The following RBFOX3 variants were observed in gnomAD, a reference collection of about 807,000 sequenced individuals.
The protein encoded by RBFOX3 is RNA binding fox-1 homolog 3.
Under a neutral mutation model 48.7 loss-of-function variants are expected in RBFOX3, and 17 were observed. The ratio of observed to expected loss-of-function variants is 0.35; its 90% CI spans 0.24 to 0.52. The LOEUF (loss-of-function observed/expected upper bound fraction) is 0.52, where lower values mean the gene tolerates loss of function less well. Ranked by LOEUF, RBFOX3 falls within the 20% of genes least tolerant of loss-of-function variation. The pLI is 0.94. For synonymous variants in RBFOX3, 212 were observed against 209.5 expected (o/e 1.01, Z -0.10); for missense variants, 382 against 497.5 (o/e 0.77, Z 2.21).
At chr17:79,489,883 C>T (rs1555771651) in intron 1 of RBFOX3, among the ~76,000 whole-genome samples, 1 of 152,146 alleles carries the variant, frequency 6.6e-6, no homozygotes, top group Admixed American at 6.5e-5. Context: ...GCCTCTGTAC[C>T]CCGCAAAACA....
chr17:79,183,650 G>A (rs1207214255), intron 4 of RBFOX3, among the ~76,000 whole-genome samples: 1 of 152,206 alleles, frequency 6.6e-6, no homozygotes, highest in Non-Finnish European at 1.5e-5. Context: ...GAGAGCAGGA[G>A]TCAGTCACTT....
intron 1 of RBFOX3, among the ~76,000 whole-genome samples, chr17:79,587,235 T>C (rs904057358): frequency 1.9e-4 from 29 of 152,174 alleles, no homozygotes; most frequent in Non-Finnish European, 4.1e-4. Context: ...GCATGGCTGG[T>C]CACGAGAGCC....
intron 3 of RBFOX3, among the ~76,000 whole-genome samples, chr17:79,240,742 C>T (rs1343768129): frequency 6.6e-6 from 1 of 152,210 alleles, no homozygotes; most frequent in Non-Finnish European, 1.5e-5. Context: ...CAGCTCACTG[C>T]AAGCTCCGCC....
At chr17:79,221,632 T>A (rs2059742415) in intron 4 of RBFOX3, among the ~76,000 whole-genome samples, 1 of 152,186 alleles carries the variant, frequency 6.6e-6, no homozygotes, top group African/African-American at 2.4e-5. Flanking sequence ...GAATTCATGA[T>A]CGTCTTCAGT....
chr17:79,269,918 C>A (rs1029218661), intron 3 of RBFOX3, among the ~76,000 whole-genome samples: 5 of 152,242 alleles, frequency 3.3e-5, no homozygotes, highest in Admixed American at 2.6e-4. Flanking sequence ...CCTGCCCACA[C>A]TGCCCCTCCC....
intron 1 of RBFOX3, among the ~76,000 whole-genome samples, chr17:79,561,400 C>T (rs1873547476): frequency 6.6e-6 from 1 of 152,132 alleles, no homozygotes; most frequent in Non-Finnish European, 1.5e-5. Flanking sequence ...CCTCCCTCTG[C>T]TCCAGTCACC....
At chr17:79,639,200 A>G in the RBFOX3 span, among the ~76,000 whole-genome samples, 1 of 151,810 alleles carries the variant, frequency 6.6e-6, no homozygotes, top group East Asian at 1.9e-4. Context: ...TTTGAGACAG[A>G]GTCTCACTCT....
At position 79,256,265 on chromosome 17, in the gene RBFOX3, C is replaced by T. The variant is rs542925070; in HGVS notation, c.-73-20460G>A. ...CTCTGGGGCTTCTATTCCCATAAAC[C>T]GACCCTTCCTTTCTCATGTGAATCC... On this transcript the variant is annotated intron_variant, in intron 3 of 14. Transcript: ENST00000693108. 7.2e-5 allele frequency among the ~76,000 whole-genome samples: 11 copies of T among 152,160 alleles called. No homozygotes were observed. In the South Asian group the frequency reaches 1.5e-3, roughly 20 times the overall value.
intron 1 of RBFOX3, among the ~76,000 whole-genome samples, chr17:79,491,581 C>T (rs376212398): frequency 0.015 from 2,228 of 152,066 alleles, 55 homozygotes; most frequent in African/African-American, 0.052. Context: ...ATGAGGAAGA[C>T]GCAAGCCACC....
At chr17:79,605,194 T>C (rs1043102473) in intron 1 of RBFOX3, among the ~76,000 whole-genome samples, 11 of 152,146 alleles carry the variant, frequency 7.2e-5, no homozygotes, top group Non-Finnish European at 1.3e-4. Flanking sequence ...CTTTGTTTGT[T>C]TGTTTTGATG....
In RBFOX3 at chr17:79,279,484, G is replaced by A. The variant is rs145970554; in HGVS notation, c.-74+28240C>T. ...GGCACAGCATGGCCCGGCCCGGCAC[G>A]GTACGGCACTGTCACGGCGGGTTGT... On this transcript the variant is annotated intron_variant, in intron 3 of 14. Coordinates refer to ENST00000693108, the MANE Select transcript of RBFOX3 (RefSeq NM_001350451.2). Among the ~76,000 whole-genome samples the A allele has an allele frequency of 6.6e-4, 100 of 152,286 alleles. 1 individual carries two copies. The highest frequency in any genetic ancestry group is 2.4e-3 in the African/African-American group (98 of 41,556).
At chr17:79,381,251 C>A in intron 2 of RBFOX3, among the ~76,000 whole-genome samples, 1 of 91,544 alleles carries the variant, frequency 1.1e-5, no homozygotes. Context: ...CAGAGCAAGA[C>A]TCTGTCTCAA....
At chr17:79,595,745 A>G (rs2093553470) in intron 1 of RBFOX3, among the ~76,000 whole-genome samples, 1 of 152,226 alleles carries the variant, frequency 6.6e-6, no homozygotes, top group African/African-American at 2.4e-5. Flanking sequence ...GAGGAAGAGC[A>G]AGGTGGCAGC....
the RBFOX3 span, among the ~76,000 whole-genome samples, chr17:79,656,749 A>AAGGAAGGAAGGAAGGAAG: frequency 3.9e-5 from 2 of 51,928 alleles, no homozygotes; most frequent in Admixed American, 2.4e-4. Context: ...AAAGAAAGAA[A>AAGGAAGGAAGGAAGGAAG]GAAGGAAGGA....
chr17:79,408,406 A>T (rs548156342), intron 2 of RBFOX3, among the ~76,000 whole-genome samples: 1 of 152,288 alleles, frequency 6.6e-6, no homozygotes, highest in African/African-American at 2.4e-5. Flanking sequence ...ACTTAAGCAG[A>T]AAAGGCTGGA....
chr17:79,419,238 G>A (rs2148705369), intron 2 of RBFOX3, among the ~76,000 whole-genome samples: 1 of 152,348 alleles, frequency 6.6e-6, no homozygotes, highest in East Asian at 1.9e-4. Flanking sequence ...GAGTTGCTAA[G>A]ATGCCTTTTC....
At chr17:79,350,480 A>G (rs2083703303) in intron 2 of RBFOX3, among the ~76,000 whole-genome samples, 1 of 152,236 alleles carries the variant, frequency 6.6e-6, no homozygotes, top group Non-Finnish European at 1.5e-5. Flanking sequence ...ATGGATTGAT[A>G]GGGTGACCAA....
At chr17:79,545,688 T>C (rs939378977) in intron 1 of RBFOX3, among the ~76,000 whole-genome samples, 2 of 152,222 alleles carry the variant, frequency 1.3e-5, no homozygotes, top group Non-Finnish European at 2.9e-5. Context: ...ACCCACCTCC[T>C]GTTATCCAAT....
chr17:79,602,995 T>C (rs2145394147), intron 1 of RBFOX3, among the ~76,000 whole-genome samples: 1 of 151,248 alleles, frequency 6.6e-6, no homozygotes, highest in South Asian at 2.1e-4. Context: ...ACCCTTTTTT[T>C]TTTTTTTTTT....
Sources: gnomAD v4.1 joint callset for allele counts (sites outside exome capture counted in the v4.1 genomes callset) on GRCh38, gnomAD v4.1.1 for gene constraint, MANE v1.5 for transcripts, NCBI Gene and HGNC (gene_info 2026-07-23, HGNC 2026-07-21) for gene names.